PCDHA4: variants seen among roughly 807,000 people sequenced by gnomAD.
PCDHA4 encodes the protein protocadherin alpha-4.
Under a neutral mutation model 61.4 loss-of-function variants are expected in PCDHA4, and 49 were observed. That is an observed-to-expected ratio of 0.80 (90% confidence interval 0.63 to 1.01). The LOEUF is 1.01. Ranked by LOEUF, PCDHA4 falls within the 50% of genes least tolerant of loss-of-function variation. The pLI is 0.00. For synonymous variants in PCDHA4, 590 were observed against 550.3 expected, an observed-to-expected ratio of 1.07 and a Z score of -1.01; for missense variants, 1,254 against 1,235.8, an observed-to-expected ratio of 1.01 and a Z score of -0.22.
rs2150140875 is a variant in PCDHA4 at position 140,825,709 on chromosome 5, A to T, written c.2385+16137A>T. The T allele has an allele frequency of 8.5e-5, 13 of 152,476 alleles. No homozygotes were observed. In the South Asian group the frequency reaches 2.7e-3, roughly 32 times the overall value. 9.4% of individuals were successfully genotyped at this position (152,476 alleles called of 1,614,324 possible). ...AGTGCTGGGATTGCAGGCATGAGCC[A>T]TCGCGCCTGGCCTAAATTATTATAT... On this transcript the variant is annotated intron_variant, in intron 1 of 3. Coordinates refer to ENST00000530339, the MANE Select transcript of PCDHA4 (RefSeq NM_018907.4).
At chr5:140,836,216 G>A in intron 1 of PCDHA4, 1 of 1,613,840 alleles carries the variant, frequency 6.2e-7, no homozygotes, top group Non-Finnish European at 8.5e-7. Flanking sequence ...CGTATGAGTT[G>A]CAACCGGTGG....
rs181372488 is a variant in PCDHA4, at chr5:140,858,049, G to A, written c.2385+48477G>A. 14,822 of 1,597,442 alleles carry A rather than the reference G, an allele frequency of 9.3e-3. 1,340 individuals carry two copies. Among genetic ancestry groups the A allele is most frequent in the Non-Finnish European group, 0.012 (13,697 of 1,167,420 alleles). On this transcript the variant is annotated intron_variant, in intron 1 of 3. Transcript: ENST00000530339. Reference sequence around the variant, plus strand: ...CGGCCACGGCCACTGTGCTTGTGTCGCTTGTGGAGGGCAGCCAGGCACCCA... The same window carrying A: ...CGGCCACGGCCACTGTGCTTGTGTCACTTGTGGAGGGCAGCCAGGCACCCA...
At position 140,849,878 on chromosome 5, in the gene PCDHA4, G is replaced by A. The variant is rs2150455933; in HGVS notation, c.2385+40306G>A. On this transcript the variant is annotated intron_variant, in intron 1 of 3. Transcript: ENST00000530339. ...CAGCGTTCGCGCAGTCCGAGTACACGGTGTTCGTGAAGGAGAACAACCCGC... is the reference window on the plus strand; with the variant it reads ...CAGCGTTCGCGCAGTCCGAGTACACAGTGTTCGTGAAGGAGAACAACCCGC... The A allele has an allele frequency of 1.1e-5, 17 of 1,598,602 alleles. 2 individuals are homozygous for A. The Middle Eastern group carries it at 5.1e-4, about 48-fold the overall frequency.
At position 140,850,723 on chromosome 5, in the gene PCDHA4, G is replaced by T. The variant is rs2150495847; in HGVS notation, c.2385+41151G>T. 3.1e-5 allele frequency: 49 copies of T among 1,597,922 alleles called. 7 individuals carry two copies. The highest frequency in any genetic ancestry group is 4.2e-5 in the Non-Finnish European group (49 of 1,167,668). The stretch of plus-strand genomic sequence containing the variant: ...GGCAAGCCGACGCTGGTGTGTTCTA[G>T]CGCGGTGGGGAGTTGGTCGTACTCG... On this transcript the variant is annotated intron_variant, in intron 1 of 3. Transcript: ENST00000530339.
At chr5:140,867,525 TA>T (rs2050008799) in intron 1 of PCDHA4, 4 of 152,102 alleles carry the variant, frequency 2.6e-5, no homozygotes, top group Admixed American at 2.6e-4. Context: ...AATAGTTGAA[TA>T]TATATATAAA....
chr5:140,871,673 C>T (rs980419228), intron 1 of PCDHA4: 1 of 1,142,814 alleles, frequency 8.8e-7, no homozygotes, highest in East Asian at 2.6e-5. Flanking sequence ...GTCTTTTAAT[C>T]ATATGAATAA....
chr5:140,830,115 C>T lies in PCDHA4; in HGVS notation c.2385+20543C>T, dbSNP rs2150181340. 2.2e-5 allele frequency: 35 copies of T among 1,613,546 alleles called. No individual in the cohort carries two copies. In the East Asian group the frequency reaches 7.1e-4, roughly 33 times the overall value. On this transcript the variant is annotated intron_variant, in intron 1 of 3. Transcript: ENST00000530339. Reference sequence around the variant, plus strand: ...GTGTCGCTGGTGGAGAGTGGCCAGGCTCCAAAGGCGTCATCACGGGCGTCG... The same window carrying T: ...GTGTCGCTGGTGGAGAGTGGCCAGGTTCCAAAGGCGTCATCACGGGCGTCG...
At chr5:140,825,392 C>A (rs1581821577) in intron 1 of PCDHA4, 1 of 140,308 alleles carries the variant, frequency 7.1e-6, no homozygotes, top group Admixed American at 7.0e-5. Flanking sequence ...TAATATATAT[C>A]TAATATATTA....
At position 140,964,709 on chromosome 5, in the gene PCDHA4, A is replaced by G. The variant is rs115609419; in HGVS notation, c.2386-14240A>G. On this transcript the variant is annotated intron_variant, in intron 1 of 3. Coordinates refer to ENST00000530339, the MANE Select transcript of PCDHA4 (RefSeq NM_018907.4). ...CACTTGAGAGATTAAGGCCTCCGAG[A>G]TCAAATTACCACAGCAAACTGAGAC... is the stretch of plus-strand genomic sequence containing the variant. Among the ~76,000 whole-genome samples the G allele has an allele frequency of 4.5e-3, 689 of 152,134 alleles. 3 individuals are homozygous for G. Among genetic ancestry groups the G allele is most frequent in the African/African-American group, 0.016 (667 of 41,492 alleles).
chr5:140,881,803 T>A (rs574659861), intron 1 of PCDHA4, among the ~76,000 whole-genome samples: 5 of 152,058 alleles, frequency 3.3e-5, no homozygotes, highest in Non-Finnish European at 7.3e-5. Context: ...CCAAAACGAG[T>A]GTCGAATATT....
rs782248457 is a variant in PCDHA4, at chr5:140,927,179, C to G, written c.2386-51770C>G. 8 of 1,614,050 alleles carry G rather than the reference C, an allele frequency of 5.0e-6. No individual in the cohort carries two copies. The South Asian group carries it at 8.8e-5, about 18-fold the overall frequency. ...AGGGCCAAAGCTGCCTGCGTCTTGA[C>G]CTACGACCTGGTGCTCGAGGACCCG... On this transcript the variant is annotated intron_variant, in intron 1 of 3. Transcript: ENST00000530339.
chr5:140,818,713 C>A (rs1042891714), intron 1 of PCDHA4, among the ~76,000 whole-genome samples: 1 of 152,124 alleles, frequency 6.6e-6, no homozygotes, highest in Non-Finnish European at 1.5e-5. Flanking sequence ...TGGTGCACAC[C>A]TGTGGTCCCA....
chr5:140,833,109 T>G (rs1772297306), intron 1 of PCDHA4, among the ~76,000 whole-genome samples: 1 of 152,208 alleles, frequency 6.6e-6, no homozygotes, highest in Non-Finnish European at 1.5e-5. Context: ...TTTGACACTC[T>G]TCAAAGTCAT....
intron 3 of PCDHA4, among the ~76,000 whole-genome samples, chr5:141,003,906 T>C (rs2153979379): frequency 6.6e-6 from 1 of 152,260 alleles, no homozygotes; most frequent in South Asian, 2.1e-4. Context: ...TTCATTTGGG[T>C]CTTGACTGCA....
chr5:140,827,864 T>TG (rs1362091793), intron 1 of PCDHA4: 5 of 608,420 alleles, frequency 8.2e-6, no homozygotes, highest in Non-Finnish European at 1.4e-5. Flanking sequence ...ATATATGGTA[T>TG]AGCACTGTTA....
chr5:140,820,306 A>G (rs1157181191), intron 1 of PCDHA4, among the ~76,000 whole-genome samples: 3 of 152,010 alleles, frequency 2.0e-5, no homozygotes, highest in Non-Finnish European at 2.9e-5. Flanking sequence ...TTCTATGACA[A>G]TATCTTGTTT....
chr5:141,009,533 G>T (rs1410740655), intron 3 of PCDHA4, 94 bp from the exon 4 acceptor site: 1 of 1,509,328 alleles, frequency 6.6e-7, no homozygotes, highest in African/African-American at 1.4e-5. Context: ...GGGAGGTTCA[G>T]CCTGCCTATG....
intron 1 of PCDHA4, chr5:140,849,576 G>T (rs2150441030): frequency 6.3e-7 from 1 of 1,598,698 alleles, no homozygotes; most frequent in East Asian, 2.2e-5. Context: ...TCCTGTAAAA[G>T]AGGACGCACA....
chr5:140,942,617 TG>T (rs1223896117), intron 1 of PCDHA4, among the ~76,000 whole-genome samples: 4 of 100,138 alleles, frequency 4.0e-5, no homozygotes, highest in Admixed American at 9.6e-5. Flanking sequence ...ATTTGCCAAT[TG>T]TAAAAAAAAA....
Sources: allele counts gnomAD v4.1 joint callset (sites outside exome capture counted in the v4.1 genomes callset), GRCh38; gene constraint gnomAD v4.1.1; transcripts MANE v1.5; gene names NCBI Gene and HGNC (gene_info 2026-07-23, HGNC 2026-07-21).